ANK2: variants seen among roughly 807,000 people sequenced by gnomAD.
ANK2 encodes ankyrin 2.
ANK2 carries 83 observed loss-of-function variants against 360.5 expected under a neutral mutation model. That is an observed-to-expected ratio of 0.23 (90% CI 0.19 to 0.28). The LOEUF is 0.28. Among genes scored for constraint, ANK2 ranks in the 10% least tolerant of loss-of-function variants. The pLI is 1.00. For synonymous variants in ANK2, 1,740 were observed against 1,759.5 expected (o/e 0.99, Z 0.28); for missense variants, 4,201 against 4,795.7 (o/e 0.88, Z 3.66).
At chr4:113,263,187 G>GAAAAA (rs762758720) in intron 13 of ANK2, among the ~76,000 whole-genome samples, 13 of 63,594 alleles carry the variant, frequency 2.0e-4, no homozygotes, top group African/African-American at 5.3e-4. Flanking sequence ...GACTCTGTCT[G>GAAAAA]AAAAAAAAAA....
At chr4:113,181,882 C>G (rs142930318) in intron 2 of ANK2, among the ~76,000 whole-genome samples, 17 of 152,190 alleles carry the variant, frequency 1.1e-4, no homozygotes, top group African/African-American at 1.9e-4. Context: ...GCCTTGTGGG[C>G]TATTTTAAGG....
chr4:113,204,704 C>T (rs1487033866), intron 4 of ANK2, among the ~76,000 whole-genome samples: 1 of 152,108 alleles, frequency 6.6e-6, no homozygotes, highest in Non-Finnish European at 1.5e-5. Flanking sequence ...TCCAAATAAT[C>T]CTAGGCATAC....
chr4:112,752,359 G>A, the ANK2 span, among the ~76,000 whole-genome samples: 1 of 147,028 alleles, frequency 6.8e-6, no homozygotes, highest in Admixed American at 6.8e-5. Context: ...TAAATGTTAA[G>A]CAGCAAGTGC....
chr4:112,901,140 T>C (rs1030458064), intron 1 of ANK2, among the ~76,000 whole-genome samples: 3 of 152,210 alleles, frequency 2.0e-5, no homozygotes, highest in Admixed American at 2.0e-4. Flanking sequence ...TAATGCCTTA[T>C]ACACTGTTAG....
At chr4:113,285,139 AGTT>A (rs2063888995) in intron 18 of ANK2, among the ~76,000 whole-genome samples, 1 of 87,748 alleles carries the variant, frequency 1.1e-5, no homozygotes, top group Non-Finnish European at 2.5e-5. Context: ...TTATTAGAAA[AGTT>A]TTTTTTTTTT....
chr4:113,198,839 A>G (rs1584645479), intron 3 of ANK2, among the ~76,000 whole-genome samples, 172 bp from the exon 4 acceptor site: 1 of 148,252 alleles, frequency 6.7e-6, no homozygotes. Context: ...GAGGTGGCCA[A>G]TTTTTTTTTT....
chr4:113,266,958 A>T (rs889847783), intron 14 of ANK2, among the ~76,000 whole-genome samples: 1 of 151,702 alleles, frequency 6.6e-6, no homozygotes, highest in Non-Finnish European at 1.5e-5. Context: ...CTGGCATGAG[A>T]TCATATCTCA....
At chr4:112,752,815 G>T in the ANK2 span, among the ~76,000 whole-genome samples, 3 of 152,016 alleles carry the variant, frequency 2.0e-5, no homozygotes, top group Admixed American at 1.3e-4. Flanking sequence ...ACAGGCATGC[G>T]CCACGATACC....
chr4:112,749,578 C>G, the ANK2 span, among the ~76,000 whole-genome samples: 3 of 152,104 alleles, frequency 2.0e-5, no homozygotes, highest in Admixed American at 2.0e-4. Context: ...GAGATGGTCT[C>G]CTACTGAATA....
chr4:112,827,971 AC>A lies in ANK2; in HGVS notation c.-40+9708del, dbSNP rs1334274404. Among the ~76,000 whole-genome samples, 4 of 152,310 alleles carry A rather than the reference AC, an allele frequency of 2.6e-5. No homozygotes were observed. The East Asian group carries it at 7.7e-4, about 29-fold the overall frequency. On this transcript the variant is annotated intron_variant, in intron 1 of 30. Coordinates refer to the ANK2 transcript ENST00000503271. The stretch of plus-strand genomic sequence containing the variant: ...ACACTGCTGATCTTCAAACTATACC[AC>A]AGGCTGCAATAACCAAAACAGCATA...
the ANK2 span, among the ~76,000 whole-genome samples, chr4:112,708,475 G>C: frequency 1.2e-4 from 19 of 152,086 alleles, no homozygotes; most frequent in African/African-American, 4.6e-4. Flanking sequence ...TTTTAGGAAA[G>C]CTTTTGGTGA....
intron 2 of ANK2, among the ~76,000 whole-genome samples, chr4:112,992,459 A>G (rs1274799802): frequency 6.6e-6 from 1 of 152,096 alleles, no homozygotes; most frequent in Non-Finnish European, 1.5e-5. Flanking sequence ...CTACATTTTT[A>G]GGTATTTCTT....
intron 1 of ANK2, among the ~76,000 whole-genome samples, chr4:112,845,001 C>G (rs2062970833): frequency 2.0e-5 from 3 of 152,088 alleles, no homozygotes; most frequent in Non-Finnish European, 1.5e-5. Context: ...AGAGAAATTT[C>G]TTATATCAGT....
At chr4:112,761,530 G>A in the ANK2 span, among the ~76,000 whole-genome samples, 1 of 152,180 alleles carries the variant, frequency 6.6e-6, no homozygotes, top group Non-Finnish European at 1.5e-5. Context: ...TGAGGCAGGA[G>A]AGTCGCTTGA....
the ANK2 span, among the ~76,000 whole-genome samples, chr4:112,713,727 C>G: frequency 1.3e-5 from 2 of 151,596 alleles, no homozygotes; most frequent in Non-Finnish European, 2.9e-5. Flanking sequence ...GTCAGGAGAT[C>G]GAGACCATCC....
At chr4:113,263,278 T>A (rs1450747681) in intron 13 of ANK2, among the ~76,000 whole-genome samples, 1 of 150,394 alleles carries the variant, frequency 6.6e-6, no homozygotes. Flanking sequence ...AAATCATGAT[T>A]GTCTGTCCAG....
chr4:113,356,794 A>G lies in ANK2; in HGVS notation c.8176A>G (p.Thr2726Ala), dbSNP rs781344591. 1.1e-5 allele frequency: 17 copies of G among 1,614,030 alleles called. No individual in the cohort carries two copies. In the African/African-American group the frequency reaches 2.0e-4, roughly 19 times the overall value. Residue 2726 changes from threonine (T) to alanine (A), a missense_variant, in exon 38 of 46, where the codon ACT (threonine) becomes GCT (alanine). Physicochemically the swap from Thr to Ala is moderately conservative, Grantham distance 58. This residue lies in a region of ANK2 where 2,642 missense variants were observed against 2,714.5 expected (regional missense o/e 0.97). Coordinates refer to ENST00000357077, the MANE Select transcript of ANK2 (RefSeq NM_001148.6). ...KQYTFKMNED[T>A]QEEPGKSEEE... ...ATATACTTTCAAGATGAATGAAGAT[A>G]CTCAGGAAGAGCCAGGCAAATCAGA...
intron 3 of ANK2, 121 bp downstream of exon 3, chr4:113,196,587 G>A (rs2098751043): frequency 6.7e-6 from 6 of 896,108 alleles, no homozygotes; most frequent in Middle Eastern, 3.3e-4. Context: ...TAGTGCAGTG[G>A]TACAATCACG....
the ANK2 span, among the ~76,000 whole-genome samples, chr4:112,711,965 G>C: frequency 6.6e-6 from 1 of 150,616 alleles, no homozygotes; most frequent in Non-Finnish European, 1.5e-5. Context: ...AAGCAAGCCT[G>C]TGCCACTGCA....
Sources: gnomAD v4.1 joint callset for allele counts (sites outside exome capture counted in the v4.1 genomes callset) on GRCh38, gnomAD v4.1.1 for gene constraint, gnomAD v4.1.1 regional missense constraint, MANE v1.5 for transcripts, NCBI Gene and HGNC (gene_info 2026-07-23, HGNC 2026-07-21) for gene names.